PRMT8: variants seen among roughly 807,000 people sequenced by gnomAD.
PRMT8 encodes the protein protein arginine N-methyltransferase 8.
In PRMT8, 7 loss-of-function variants were observed where a neutral mutation model predicts 47.1. That is an observed-to-expected ratio of 0.15 (90% CI 0.08 to 0.28). PRMT8 has a LOEUF of 0.28. PRMT8 is among the 10% of genes least tolerant of loss of function. PRMT8 has a pLI of 1.00. For missense variants in PRMT8, 237 were observed against 505.4 expected (o/e 0.47, Z 5.09); for synonymous variants, 188 against 186.5 (o/e 1.01, Z -0.07).
In PRMT8 at chr12:3,564,809, TGGA is replaced by T. The variant is rs1866692035; in HGVS notation, c.482-3892_482-3890del. The stretch of plus-strand genomic sequence containing the variant: ...TAGACCCCCTTGAAAATCCTTTGCA[TGGA>T]GGAGAAGGGAAGACTGCTGCTGTGT... On this transcript the variant is annotated intron_variant, in intron 4 of 9. Coordinates refer to ENST00000382622, the MANE Select transcript of PRMT8 (RefSeq NM_019854.5). The surrounding 1 kb of genome is among the most constrained non-coding windows in gnomAD (Gnocchi z 4.0). Among the ~76,000 whole-genome samples, 2 of 152,242 alleles carry T rather than the reference TGGA, an allele frequency of 1.3e-5. No individual in the cohort carries two copies. The highest frequency in any genetic ancestry group is 2.1e-4 in the South Asian group (1 of 4,834).
intron 1 of PRMT8, among the ~76,000 whole-genome samples, chr12:3,448,577 G>T (rs755503786): frequency 2.8e-4 from 42 of 152,134 alleles, no homozygotes; most frequent in Non-Finnish European, 4.7e-4. Flanking sequence ...ATTGTAGACG[G>T]TGAGCAGCAT....
chr12:3,468,322 G>T (rs182790787), intron 1 of PRMT8, among the ~76,000 whole-genome samples: 1 of 152,176 alleles, frequency 6.6e-6, no homozygotes, highest in East Asian at 1.9e-4. Flanking sequence ...CATTCCCATC[G>T]GCCAGGAGGA....
intron 1 of PRMT8, among the ~76,000 whole-genome samples, chr12:3,417,799 G>T (rs1864498743): frequency 6.6e-6 from 1 of 152,188 alleles, no homozygotes; most frequent in South Asian, 2.1e-4. Flanking sequence ...AAGAGATGAA[G>T]AAGAGACAAA....
chr12:3,496,214 A>ATATATT, intron 1 of PRMT8, among the ~76,000 whole-genome samples: 3 of 27,752 alleles, frequency 1.1e-4, no homozygotes, highest in South Asian at 2.6e-3. Context: ...ATATATATAT[A>ATATATT]TTTTTTTTTT....
upstream of PRMT8, among the ~76,000 whole-genome samples, chr12:3,491,007 C>T (rs1237119367): frequency 6.6e-6 from 1 of 152,132 alleles, no homozygotes; most frequent in Non-Finnish European, 1.5e-5. Context: ...CCCGCGCGGG[C>T]CTGGCCTCCA....
intron 1 of PRMT8, among the ~76,000 whole-genome samples, chr12:3,460,919 A>G (rs752364102): frequency 2.0e-5 from 3 of 152,192 alleles, no homozygotes; most frequent in Non-Finnish European, 4.4e-5. Flanking sequence ...GTGGAAGAGA[A>G]GACAGAAGAG....
At chr12:3,420,132 C>G (rs1056309150) in intron 1 of PRMT8, among the ~76,000 whole-genome samples, 1 of 151,974 alleles carries the variant, frequency 6.6e-6, no homozygotes, top group South Asian at 2.1e-4. Flanking sequence ...GGGATGTTCT[C>G]AACTCAAGAG....
chr12:3,555,414 G>C (rs537494672), intron 4 of PRMT8, among the ~76,000 whole-genome samples: 6 of 152,312 alleles, frequency 3.9e-5, no homozygotes, highest in African/African-American at 1.4e-4. Context: ...CAGTACAAAG[G>C]CCTCTGGGAT....
At position 3,569,014 on chromosome 12, in the gene PRMT8, T is replaced by G. The variant is rs895471656; in HGVS notation, c.624+166T>G. On this transcript the variant is annotated intron_variant, in intron 5 of 9. Coordinates refer to ENST00000382622, the MANE Select transcript of PRMT8 (RefSeq NM_019854.5). The surrounding 1 kb of genome is among the most constrained non-coding windows in gnomAD (Gnocchi z 8.2). ...AGCAGATCTGTATCAGGGAACAGAATGGTTGCCCCGGGTCCAGCATGTGTA... is the reference window on the plus strand; with the variant it reads ...AGCAGATCTGTATCAGGGAACAGAAGGGTTGCCCCGGGTCCAGCATGTGTA... 6.6e-6 allele frequency among the ~76,000 whole-genome samples: 1 copy of G among 152,128 alleles called. No individual in the cohort carries two copies. Among genetic ancestry groups the G allele is most frequent in the South Asian group, 2.1e-4 (1 of 4,836 alleles).
At chr12:3,574,683 T>C (rs1180074360) in intron 6 of PRMT8, among the ~76,000 whole-genome samples, 1 of 152,254 alleles carries the variant, frequency 6.6e-6, no homozygotes, top group East Asian at 1.9e-4. Context: ...ATCTTTATCA[T>C]CATTTCCATT....
At chr12:3,575,118 A>T (rs1159643822) in intron 6 of PRMT8, among the ~76,000 whole-genome samples, 1 of 152,064 alleles carries the variant, frequency 6.6e-6, no homozygotes, top group South Asian at 2.1e-4. Flanking sequence ...CTTTTCCTCA[A>T]ACTGGAATTT....
rs1193988377 is a variant in PRMT8 at position 3,568,588 on chromosome 12, AT to A, written c.482-117del. ...TTTGGTAAAGGGTGAGCTACATCAT[AT>A]CCTAAAAGTAGAATCAGAATAGGGC... On this transcript the variant is annotated intron_variant, in intron 4 of 9. Transcript: ENST00000382622. 8 of 1,144,184 alleles carry A rather than the reference AT, an allele frequency of 7.0e-6. No homozygotes were observed. The African/African-American group carries it at 1.2e-4, about 18-fold the overall frequency. 70.9% of individuals were successfully genotyped at this position (1,144,184 alleles called of 1,614,324 possible). A position where few individuals can be genotyped will look rare whatever the true frequency, so the allele number is the denominator to read the frequency against.
At chr12:3,498,147 G>A (rs1865536867) in intron 1 of PRMT8, among the ~76,000 whole-genome samples, 1 of 152,200 alleles carries the variant, frequency 6.6e-6, no homozygotes, top group Non-Finnish European at 1.5e-5. Context: ...ATTGCATTGT[G>A]TGCAATGCTG....
At chr12:3,435,516 CT>C (rs1405705974) in intron 1 of PRMT8, among the ~76,000 whole-genome samples, 12 of 146,408 alleles carry the variant, frequency 8.2e-5, no homozygotes, top group Non-Finnish European at 1.7e-4. Flanking sequence ...TTTTTTTCTT[CT>C]TTTTTTTTCT....
chr12:3,569,507 G>A lies in PRMT8; in HGVS notation c.655G>A (p.Ala219Thr). ...TGGAGGGCTTATGTTTCCAGACCGG[G>A]CAGCTTTGTACGTGGTAGCGATTGA... ...KPGGLMFPDR[A>T]ALYVVAIEDR... Residue 219 changes from alanine (A) to threonine (T), a missense_variant, in exon 6 of 10, where the codon GCA (alanine) becomes ACA (threonine). By Grantham distance (58) the Ala-to-Thr change is moderately conservative (BLOSUM62 0). Transcript: ENST00000382622. This position sits in a 1 kb window ranked among gnomAD's most constrained non-coding sequence, Gnocchi z 8.2. 1 of 1,614,176 alleles carries A rather than the reference G, an allele frequency of 6.2e-7. No homozygotes were observed. The highest frequency in any genetic ancestry group is 8.5e-7 in the Non-Finnish European group (1 of 1,180,024).
chr12:3,583,285 G>T lies in PRMT8; in HGVS notation c.979+77G>T. ...AGTCTTTGTGGGGTGACCAGAGCTG[G>T]CCTTGACTTGGGGAGAAGGGGCTGG... On this transcript the variant is annotated intron_variant, in intron 8 of 9. Transcript: ENST00000382622. This position sits in a 1 kb window ranked among gnomAD's most constrained non-coding sequence, Gnocchi z 4.7. 6.8e-7 allele frequency: 1 copy of T among 1,469,642 alleles called. No individual in the cohort carries two copies. The highest frequency in any genetic ancestry group is 1.4e-5 in the South Asian group (1 of 73,132). 91.0% of individuals were successfully genotyped at this position (1,469,642 alleles called of 1,614,324 possible). A position where few individuals can be genotyped will look rare whatever the true frequency, so the allele number is the denominator to read the frequency against.
In PRMT8 at chr12:3,440,539, A is replaced by G. The variant is rs1415085699; in HGVS notation, c.48+59097A>G. Among the ~76,000 whole-genome samples the G allele has an allele frequency of 2.6e-5, 4 of 152,184 alleles. No individual in the cohort carries two copies. In the South Asian group the frequency reaches 8.3e-4, roughly 32 times the overall value. Reference sequence around the variant, plus strand: ...CACTATCCTTTCCCCAGTAACATACATGTGATGTCAGACAGTCACATCACA... The same window carrying G: ...CACTATCCTTTCCCCAGTAACATACGTGTGATGTCAGACAGTCACATCACA... On this transcript the variant is annotated intron_variant, in intron 1 of 9. Transcript: ENST00000452611.
At chr12:3,460,422 C>A (rs1259869794) in intron 1 of PRMT8, among the ~76,000 whole-genome samples, 7 of 152,218 alleles carry the variant, frequency 4.6e-5, no homozygotes, top group Admixed American at 4.6e-4. Flanking sequence ...GGCAGCTGGG[C>A]AGACTGCAGT....
intron 1 of PRMT8, among the ~76,000 whole-genome samples, chr12:3,511,656 C>G (rs1178622919): frequency 1.4e-4 from 21 of 152,192 alleles, no homozygotes; most frequent in Non-Finnish European, 1.3e-4. Context: ...AGTGGCAGCC[C>G]CAGTTTTTCG....
Sources: allele counts gnomAD v4.1 joint callset (sites outside exome capture counted in the v4.1 genomes callset), GRCh38; gene constraint gnomAD v4.1.1; non-coding constraint Gnocchi (gnomAD v3.1); transcripts MANE v1.5; gene names NCBI Gene and HGNC (gene_info 2026-07-23, HGNC 2026-07-21).